MX2: variants seen among roughly 807,000 people sequenced by gnomAD.
MX2 encodes MX dynamin like GTPase 2.
MX2 carries 51 observed loss-of-function variants against 74.0 expected under a neutral mutation model. The ratio of observed to expected loss-of-function variants is 0.69; its 90% confidence interval spans 0.55 to 0.87. MX2 has a LOEUF of 0.87. MX2 is among the 40% of genes least tolerant of loss of function. The pLI is 0.00. For synonymous variants in MX2, 369 were observed against 339.3 expected (o/e 1.09, Z -0.96); for missense variants, 832 against 908.7 (o/e 0.92, Z 1.09).
At chr21:41,403,148 T>A (rs1218822710) in intron 11 of MX2, 119 bp from the exon 12 acceptor site, 1 of 774,198 alleles carries the variant, frequency 1.3e-6, no homozygotes, top group Non-Finnish European at 2.1e-6. Context: ...GGGAACTCAG[T>A]CTCCTGGAAT....
chr21:41,406,759 A>G lies in MX2; in HGVS notation c.1666A>G (p.Ile556Val). 6.2e-7 allele frequency: 1 copy of G among 1,614,206 alleles called. No homozygotes were observed. Among genetic ancestry groups the G allele is most frequent in the Non-Finnish European group, 8.5e-7 (1 of 1,180,030 alleles). The change falls in exon 13 of 14, where the codon ATA becomes GTA. Residue 556 changes from isoleucine (I) to valine (V), a missense_variant. Physicochemically the swap from Ile to Val is conservative, Grantham distance 29. Transcript: ENST00000330714. ...NQTVQSTIED[I>V]KVKHTAKAEN... ...ATCTAACCAGAGCACGATTGAAGAC[A>G]TAAAAGTGAAACACACAGCAAAGGC...
rs1201182060 is a variant in MX2 at position 41,363,568 on chromosome 21, A to T, written c.-72+1513A>T. ...AAACAAGCGGTCTTAAAAAGAAAGG[A>T]GGTGAGCCCGGGGAGATAAGGTCGC... On this transcript the variant is annotated intron_variant, in intron 1 of 13. Coordinates refer to ENST00000330714, the MANE Select transcript of MX2 (RefSeq NM_002463.2). This position sits in a 1 kb window ranked among gnomAD's most constrained non-coding sequence, Gnocchi z 4.2. 1 of 153,806 alleles carries T rather than the reference A, an allele frequency of 6.5e-6. No individual in the cohort carries two copies. The highest frequency in any genetic ancestry group is 2.4e-5 in the African/African-American group (1 of 41,464). 9.5% of individuals were successfully genotyped at this position (153,806 alleles called of 1,614,324 possible).
intron 4 of MX2, among the ~76,000 whole-genome samples, chr21:41,381,755 C>T (rs1254753481): frequency 6.6e-6 from 1 of 150,500 alleles, no homozygotes; most frequent in African/African-American, 2.4e-5. Flanking sequence ...AGAATAGCAT[C>T]TTGGAACCCC....
chr21:41,387,472 A>G (rs1318415485), intron 5 of MX2, among the ~76,000 whole-genome samples: 1 of 152,186 alleles, frequency 6.6e-6, no homozygotes, highest in Non-Finnish European at 1.5e-5. Flanking sequence ...TTCAACTGCA[A>G]TTGATCACTT....
intron 6 of MX2, among the ~76,000 whole-genome samples, chr21:41,394,185 G>C (rs2089701117): frequency 6.6e-6 from 1 of 152,152 alleles, no homozygotes; most frequent in Non-Finnish European, 1.5e-5. Flanking sequence ...ATTCTCTCCT[G>C]CTGCCATCTC....
At chr21:41,378,142 G>C (rs77597650) in intron 3 of MX2, among the ~76,000 whole-genome samples, 161 bp downstream of exon 3, 1 of 141,630 alleles carries the variant, frequency 7.1e-6, no homozygotes, top group East Asian at 2.2e-4. Context: ...CAGGCCACTG[G>C]GAGAGACAGG....
chr21:41,390,405 G>A lies in MX2; in HGVS notation c.733-160G>A, dbSNP rs1039622342. 124 of 991,626 alleles carry A rather than the reference G, an allele frequency of 1.3e-4. 1 individual carries two copies. In the African/African-American group the frequency reaches 1.4e-3, roughly 11 times the overall value. 61.4% of individuals were successfully genotyped at this position (991,626 alleles called of 1,614,324 possible). A position where few individuals can be genotyped will look rare whatever the true frequency, so the allele number is the denominator to read the frequency against. On this transcript the variant is annotated intron_variant, in intron 5 of 13. Coordinates refer to ENST00000330714, the MANE Select transcript of MX2 (RefSeq NM_002463.2). ...CATCAGAGACCAGGGCAGGGCCGCC[G>A]GGGCAGGCATTCCCAGGACGGGGCT...
intron 5 of MX2, among the ~76,000 whole-genome samples, chr21:41,384,017 GT>G (rs1172146312): frequency 3.9e-5 from 6 of 152,142 alleles, no homozygotes; most frequent in Non-Finnish European, 8.8e-5. Context: ...TCATGGGGGT[GT>G]TTTCTCCCAT....
intron 5 of MX2, among the ~76,000 whole-genome samples, chr21:41,383,680 A>T (rs2089528812): frequency 1.3e-5 from 2 of 152,212 alleles, no homozygotes; most frequent in African/African-American, 4.8e-5. Flanking sequence ...GGCAGCCCTA[A>T]GAGCCTCCTG....
At position 41,395,447 on chromosome 21, in the gene MX2, T is replaced by G. The variant is rs796705966; in HGVS notation, c.872-140T>G. 1.8e-5 allele frequency: 12 copies of G among 670,794 alleles called. No homozygotes were observed. The South Asian group carries it at 1.9e-4, about 11-fold the overall frequency. The allele number at this position is 670,794 out of a possible 1,614,324, so 41.6% of individuals were successfully genotyped here. On this transcript the variant is annotated intron_variant, in intron 6 of 13. Coordinates refer to ENST00000330714, the MANE Select transcript of MX2 (RefSeq NM_002463.2). ...GCAAAGAAGAGGGGCAATGAGGGAA[T>G]GAGGATGGAATGAGGCACTGGAGGA...
chr21:41,371,555 A>G (rs2145861386), intron 1 of MX2, among the ~76,000 whole-genome samples: 1 of 152,276 alleles, frequency 6.6e-6, no homozygotes, highest in East Asian at 1.9e-4. Context: ...CTAATCCTTG[A>G]CAATGCTTAA....
intron 12 of MX2, among the ~76,000 whole-genome samples, chr21:41,405,276 AG>A (rs1176382377): frequency 2.0e-5 from 3 of 152,136 alleles, no homozygotes; most frequent in Admixed American, 6.5e-5. Context: ...AAAAAAAAAA[AG>A]AAAAAGAAAC....
chr21:41,367,559 CTCAG>C (rs1332607018), intron 1 of MX2, among the ~76,000 whole-genome samples: 1 of 151,870 alleles, frequency 6.6e-6, no homozygotes, highest in Non-Finnish European at 1.5e-5. Context: ...CCTTTTTTTT[CTCAG>C]TCAGAAGGAG....
intron 6 of MX2, among the ~76,000 whole-genome samples, chr21:41,393,859 G>T (rs943106142): frequency 1.3e-5 from 2 of 152,054 alleles, no homozygotes; most frequent in African/African-American, 4.8e-5. Flanking sequence ...CCTCTCCAAG[G>T]CTTCCCCACC....
At position 41,377,884 on chromosome 21, in the gene MX2, C is replaced by T. The variant is rs2089428831; in HGVS notation, c.345C>T (p.Asp115=). The part of the protein sequence containing the change: ...DSLRALGVEQ[D]LALPAIAVIG... The stretch of plus-strand genomic sequence containing the variant: ...TGCGGGCTCTGGGTGTGGAGCAGGA[C>T]CTGGCCCTGCCAGCCATCGCCGTCA... Residue 115 remains aspartate (D), a synonymous_variant, in exon 3 of 14, where the codon GAC becomes GAT. Transcript: ENST00000330714. 7 of 1,614,084 alleles carry T rather than the reference C, an allele frequency of 4.3e-6. No homozygotes were observed. Among genetic ancestry groups the T allele is most frequent in the Non-Finnish European group, 5.9e-6 (7 of 1,180,048 alleles).
At chr21:41,367,673 C>A (rs1304888235) in intron 1 of MX2, among the ~76,000 whole-genome samples, 1 of 152,216 alleles carries the variant, frequency 6.6e-6, no homozygotes, top group Non-Finnish European at 1.5e-5. Context: ...TCTTCAGACT[C>A]CTGGCCTGGT....
chr21:41,404,894 A>G (rs1017706527), intron 12 of MX2: 1 of 151,118 alleles, frequency 6.6e-6, no homozygotes, highest in African/African-American at 2.4e-5. Context: ...AAAAAAAAGA[A>G]AAAGAAAAAA....
Position 41,397,635 on chromosome 21 carries a change from G to C in MX2, c.1093G>C (p.Ala365Pro). Residue 365 changes from alanine (A) to proline (P), a missense_variant, in exon 8 of 14, where the codon GCC (alanine) becomes CCC (proline). Ala to Pro is a conservative substitution (Grantham distance 27). Transcript: ENST00000330714. Reference protein sequence around the residue: ...YFRVLLEEGSATVPRLAERLT... With the variant: ...YFRVLLEEGSPTVPRLAERLT... ...CAGAGTTCTCCTGGAGGAGGGGTCAGCCACGGTTCCCCGACTGGCAGAAAG... is the reference window on the plus strand; with the variant it reads ...CAGAGTTCTCCTGGAGGAGGGGTCACCCACGGTTCCCCGACTGGCAGAAAG... 1 of 1,614,098 alleles carries C rather than the reference G, an allele frequency of 6.2e-7. No homozygotes were observed. The highest frequency in any genetic ancestry group is 8.5e-7 in the Non-Finnish European group (1 of 1,179,962).
chr21:41,392,180 T>C (rs1182885971), intron 6 of MX2, among the ~76,000 whole-genome samples: 1 of 152,106 alleles, frequency 6.6e-6, no homozygotes, highest in African/African-American at 2.4e-5. Flanking sequence ...AGTATAGAAA[T>C]AGAGAAAAGT....
Sources: gnomAD v4.1 joint callset for allele counts (sites outside exome capture counted in the v4.1 genomes callset) on GRCh38, gnomAD v4.1.1 for gene constraint, Gnocchi (gnomAD v3.1) non-coding constraint, MANE v1.5 for transcripts, NCBI Gene and HGNC (gene_info 2026-07-23, HGNC 2026-07-21) for gene names.